Variants in CDC42BPA observed in about 807,000 individuals in gnomAD.
CDC42BPA encodes CDC42 binding protein kinase alpha, also known as serine/threonine-protein kinase MRCK alpha.
In CDC42BPA, 80 loss-of-function variants were observed where a neutral mutation model predicts 223.5. That is an observed-to-expected ratio of 0.36 (90% CI 0.30 to 0.43). The LOEUF is 0.43. CDC42BPA is among the 20% of genes least tolerant of loss of function. The pLI, the probability that CDC42BPA is intolerant of heterozygous loss-of-function variation, is 1.00. For synonymous variants in CDC42BPA, 694 were observed against 718.6 expected (o/e 0.97, Z 0.55); for missense variants, 1,743 against 2,099.9 (o/e 0.83, Z 3.32).
At chr1:227,232,608 T>C (rs983457805) in intron 2 of CDC42BPA, among the ~76,000 whole-genome samples, 1 of 152,216 alleles carries the variant, frequency 6.6e-6, no homozygotes, top group Non-Finnish European at 1.5e-5. Flanking sequence ...GGATGTCCTT[T>C]CTGTTTGTTA....
chr1:227,121,238 GT>G (rs1157724637), intron 11 of CDC42BPA, among the ~76,000 whole-genome samples: 1 of 152,182 alleles, frequency 6.6e-6, no homozygotes, highest in Non-Finnish European at 1.5e-5. Flanking sequence ...AATCTATACA[GT>G]ATCCTCAAGT....
chr1:227,265,227 A>C, intron 1 of CDC42BPA: 1 of 564,138 alleles, frequency 1.8e-6, no homozygotes, highest in Non-Finnish European at 3.2e-6. Flanking sequence ...GCATCTAACA[A>C]CCCTGAGGTG....
At chr1:227,263,633 G>A in intron 1 of CDC42BPA, among the ~76,000 whole-genome samples, 1 of 148,942 alleles carries the variant, frequency 6.7e-6, no homozygotes, top group African/African-American at 2.5e-5. Flanking sequence ...CCAGGCTGCA[G>A]TGTAATGGCA....
chr1:227,233,128 C>T (rs977636773), intron 2 of CDC42BPA, among the ~76,000 whole-genome samples: 2 of 152,186 alleles, frequency 1.3e-5, no homozygotes, highest in Admixed American at 6.5e-5. Flanking sequence ...CTGTCTTCTG[C>T]GTCACTCACG....
intron 1 of CDC42BPA, among the ~76,000 whole-genome samples, chr1:227,274,924 C>T (rs899205369): frequency 6.6e-6 from 1 of 152,194 alleles, no homozygotes; most frequent in East Asian, 1.9e-4. Flanking sequence ...ATAAAATGGG[C>T]AAAAACTGAC....
intron 6 of CDC42BPA, among the ~76,000 whole-genome samples, chr1:227,151,192 T>C (rs1351099222): frequency 6.6e-6 from 1 of 152,164 alleles, no homozygotes; most frequent in Non-Finnish European, 1.5e-5. Flanking sequence ...AAGCCACCAT[T>C]GTACTTTGTT....
intron 34 of CDC42BPA, 33 bp from the exon 35 acceptor site, chr1:227,005,144 CCAGA>C (rs746973532): frequency 6.9e-7 from 1 of 1,455,186 alleles, no homozygotes; most frequent in South Asian, 1.1e-5. Flanking sequence ...CATCCTTTAG[CCAGA>C]AAGAAACTGA....
intron 32 of CDC42BPA, among the ~76,000 whole-genome samples, chr1:227,021,796 G>A (rs1402778483): frequency 6.6e-6 from 1 of 151,824 alleles, no homozygotes; most frequent in Non-Finnish European, 1.5e-5. Context: ...AAGGTGGGTG[G>A]GACACGAGGT....
intron 29 of CDC42BPA, among the ~76,000 whole-genome samples, chr1:227,029,455 C>T (rs1342635809): frequency 6.6e-6 from 1 of 152,320 alleles, no homozygotes; most frequent in Non-Finnish European, 1.5e-5. Flanking sequence ...CCTGAGATTT[C>T]TGGCAGCCAA....
chr1:227,285,310 T>C (rs1409808503), intron 1 of CDC42BPA, among the ~76,000 whole-genome samples: 1 of 152,148 alleles, frequency 6.6e-6, no homozygotes, highest in African/African-American at 2.4e-5. Flanking sequence ...TAGAAGTGAG[T>C]AGCAATCATA....
intron 5 of CDC42BPA, among the ~76,000 whole-genome samples, chr1:227,164,980 G>T (rs911652895): frequency 2.0e-5 from 3 of 152,094 alleles, no homozygotes; most frequent in Admixed American, 1.3e-4. Flanking sequence ...GTAGAGTGAG[G>T]GTTGGGATAA....
chr1:227,150,751 T>C (rs1199454821), intron 6 of CDC42BPA, among the ~76,000 whole-genome samples: 3 of 151,554 alleles, frequency 2.0e-5, no homozygotes, highest in Admixed American at 1.3e-4. Context: ...GTAACCACCT[T>C]AGGGCTGAAA....
chr1:227,288,757 G>A (rs546248616), intron 1 of CDC42BPA, among the ~76,000 whole-genome samples: 8 of 152,236 alleles, frequency 5.3e-5, no homozygotes, highest in African/African-American at 1.9e-4. Flanking sequence ...CACTTTGGAA[G>A]GCTGAGGCGG....
intron 11 of CDC42BPA, among the ~76,000 whole-genome samples, chr1:227,120,479 G>A (rs1335284370): frequency 3.9e-5 from 6 of 152,112 alleles, no homozygotes; most frequent in Admixed American, 2.0e-4. Flanking sequence ...AGAAACTCAG[G>A]GAGTTGAATA....
intron 2 of CDC42BPA, 114 bp downstream of exon 2, chr1:227,253,950 A>T: frequency 1.4e-6 from 1 of 722,754 alleles, no homozygotes; most frequent in Non-Finnish European, 2.4e-6. Flanking sequence ...ATCACAACTT[A>T]ACAAATATTG....
chr1:227,265,523 G>A (rs986623506), intron 1 of CDC42BPA, among the ~76,000 whole-genome samples: 1 of 151,978 alleles, frequency 6.6e-6, no homozygotes, highest in Non-Finnish European at 1.5e-5. Context: ...TAGCTCCTCA[G>A]GAGGCTGAGG....
At chr1:227,091,850 T>C (rs1683130910) in intron 16 of CDC42BPA, 36 bp downstream of exon 16, 1 of 1,115,360 alleles carries the variant, frequency 9.0e-7, no homozygotes, top group Non-Finnish European at 1.3e-6. Flanking sequence ...ACATCTAGCA[T>C]GTACTACTCA....
At chr1:227,163,607 C>G (rs1664497957) in intron 5 of CDC42BPA, among the ~76,000 whole-genome samples, 1 of 151,880 alleles carries the variant, frequency 6.6e-6, no homozygotes, top group Admixed American at 6.6e-5. Flanking sequence ...TGTGTGTGCA[C>G]TGTTTTTTGT....
chr1:227,043,526 AAT>A (rs1178409216), intron 23 of CDC42BPA, among the ~76,000 whole-genome samples: 2 of 152,144 alleles, frequency 1.3e-5, no homozygotes, highest in Non-Finnish European at 2.9e-5. Flanking sequence ...AAAAACATGA[AAT>A]AAATTTTATT....
Sources: allele counts gnomAD v4.1 joint callset (sites outside exome capture counted in the v4.1 genomes callset), GRCh38; gene constraint gnomAD v4.1.1; transcripts MANE v1.5; gene names NCBI Gene and HGNC (gene_info 2026-07-23, HGNC 2026-07-21).